NRG1: variants seen among roughly 807,000 people sequenced by gnomAD.
The protein encoded by NRG1 is neuregulin 1.
A neutral mutation model predicts 63.8 loss-of-function variants in NRG1; 18 were observed. The observed-to-expected ratio is 0.28, with a 90% CI of 0.19 to 0.42. NRG1 has a LOEUF of 0.42. Among genes scored for constraint, NRG1 ranks in the 10% least tolerant of loss-of-function variants. The pLI is 1.00. For missense variants in NRG1, 762 were observed against 814.7 expected, an observed-to-expected ratio of 0.94 and a Z score of 0.79; for synonymous variants, 302 against 301.3, an observed-to-expected ratio of 1.00 and a Z score of -0.02.
chr8:31,866,448 C>G (rs1329331181), intron 1 of NRG1, among the ~76,000 whole-genome samples: 1 of 151,976 alleles, frequency 6.6e-6, no homozygotes, highest in Non-Finnish European at 1.5e-5. Flanking sequence ...TTAAATACAG[C>G]TTGGGGGCAA....
intron 1 of NRG1, among the ~76,000 whole-genome samples, chr8:31,694,035 G>GT: frequency 6.6e-6 from 1 of 152,070 alleles, no homozygotes; most frequent in East Asian, 1.9e-4. Flanking sequence ...TAGAAATGAG[G>GT]TTTTACCATG....
chr8:32,678,441 CT>C (rs916141806), intron 5 of NRG1, among the ~76,000 whole-genome samples: 16 of 150,030 alleles, frequency 1.1e-4, no homozygotes, highest in East Asian at 9.8e-4. Flanking sequence ...CTAACATAGA[CT>C]TTTTTTTTTC....
At chr8:31,958,593 A>G (rs1242589338) in intron 1 of NRG1, among the ~76,000 whole-genome samples, 1 of 152,214 alleles carries the variant, frequency 6.6e-6, no homozygotes, top group Non-Finnish European at 1.5e-5. Flanking sequence ...AAGTGGAGAC[A>G]GAGTCTTGCA....
At chr8:32,475,796 T>G (rs1333403391) in intron 1 of NRG1, among the ~76,000 whole-genome samples, 1 of 152,156 alleles carries the variant, frequency 6.6e-6, no homozygotes, top group Non-Finnish European at 1.5e-5. Context: ...TAAATCTAGA[T>G]GAAAATGTTG....
chr8:32,030,109 TAATA>T (rs1227973465), intron 1 of NRG1, among the ~76,000 whole-genome samples: 1 of 152,230 alleles, frequency 6.6e-6, no homozygotes, highest in Non-Finnish European at 1.5e-5. Flanking sequence ...ACTGTTTGAA[TAATA>T]AATATATGTC....
intron 1 of NRG1, among the ~76,000 whole-genome samples, chr8:32,249,808 A>G (rs1356367411): frequency 2.6e-5 from 4 of 152,148 alleles, no homozygotes; most frequent in Non-Finnish European, 5.9e-5. Context: ...ACTATCAAAT[A>G]CAGGATGCAC....
intron 1 of NRG1, among the ~76,000 whole-genome samples, chr8:32,020,871 A>C (rs1816323852): frequency 1.3e-5 from 2 of 151,908 alleles, no homozygotes; most frequent in Admixed American, 1.3e-4. Flanking sequence ...TATTGCTTTA[A>C]ATTTTAAGCA....
chr8:31,991,886 T>A (rs1811159513), intron 1 of NRG1, among the ~76,000 whole-genome samples: 4 of 152,050 alleles, frequency 2.6e-5, no homozygotes, highest in Non-Finnish European at 5.9e-5. Flanking sequence ...TAATACAATT[T>A]TTATCAAGGG....
intron 1 of NRG1, among the ~76,000 whole-genome samples, chr8:32,005,592 C>T (rs2129783129): frequency 6.6e-6 from 1 of 152,012 alleles, no homozygotes; most frequent in Admixed American, 6.6e-5. Context: ...AGCAATTTTT[C>T]ACATCAAGAA....
At chr8:32,749,932 AG>A in intron 7 of NRG1, 2 of 255,078 alleles carry the variant, frequency 7.8e-6, no homozygotes, top group Non-Finnish European at 7.5e-6. Flanking sequence ...TAAAGGATAC[AG>A]GGGAAATCCA....
intron 8 of NRG1, among the ~76,000 whole-genome samples, chr8:32,755,037 A>G (rs1162100007): frequency 1.3e-5 from 2 of 152,116 alleles, no homozygotes; most frequent in Non-Finnish European, 2.9e-5. Flanking sequence ...TATTATTATT[A>G]TTTTTAAATT....
At chr8:31,999,280 A>G (rs892077840) in intron 1 of NRG1, among the ~76,000 whole-genome samples, 3 of 152,062 alleles carry the variant, frequency 2.0e-5, no homozygotes, top group Non-Finnish European at 4.4e-5. Context: ...ATTATGATTA[A>G]GAATTTAATG....
intron 1 of NRG1, among the ~76,000 whole-genome samples, chr8:32,221,415 C>T (rs919564621): frequency 6.6e-6 from 1 of 152,140 alleles, no homozygotes; most frequent in Non-Finnish European, 1.5e-5. Context: ...AACAGAGCTG[C>T]TTTTGCAAGA....
intron 1 of NRG1, among the ~76,000 whole-genome samples, chr8:32,338,967 A>T (rs7006524): frequency 0.52 from 78,974 of 151,950 alleles, 21,404 homozygotes; most frequent in Non-Finnish European, 0.61. Flanking sequence ...CCTATCTACC[A>T]TAGAAGGGAG....
chr8:32,562,604 C>G (rs1173342291), intron 1 of NRG1, among the ~76,000 whole-genome samples: 1 of 151,986 alleles, frequency 6.6e-6, no homozygotes. Context: ...CATGCCTGGG[C>G]CAGACTGAGA....
At chr8:31,735,274 G>T (rs1814547309) in intron 1 of NRG1, among the ~76,000 whole-genome samples, 1 of 152,062 alleles carries the variant, frequency 6.6e-6, no homozygotes, top group African/African-American at 2.4e-5. Flanking sequence ...TTGTATGTTT[G>T]CAGATTTGGA....
intron 1 of NRG1, among the ~76,000 whole-genome samples, chr8:31,975,004 T>G (rs2129629663): frequency 6.6e-6 from 1 of 152,324 alleles, no homozygotes; most frequent in South Asian, 2.1e-4. Context: ...CTGGGTTTTC[T>G]GTGGCAGTTC....
At chr8:32,277,073 A>G (rs1388211826) in intron 1 of NRG1, among the ~76,000 whole-genome samples, 1 of 152,196 alleles carries the variant, frequency 6.6e-6, no homozygotes. Context: ...TCATTCCTGA[A>G]TTTAATTTCT....
chr8:31,690,873 C>G (rs976247376), intron 1 of NRG1, among the ~76,000 whole-genome samples: 3 of 152,068 alleles, frequency 2.0e-5, no homozygotes, highest in Non-Finnish European at 2.9e-5. Flanking sequence ...ATAAGACTTC[C>G]AAGGGTAGAT....
Sources: allele counts gnomAD v4.1 joint callset (sites outside exome capture counted in the v4.1 genomes callset), GRCh38; gene constraint gnomAD v4.1.1; transcripts MANE v1.5; gene names NCBI Gene and HGNC (gene_info 2026-07-23, HGNC 2026-07-21).